The following NDUFB5 variants were observed in gnomAD, a reference collection of about 807,000 sequenced individuals.
NDUFB5 encodes the protein NADH dehydrogenase [ubiquinone] 1 beta subcomplex subunit 5, mitochondrial.
A neutral mutation model predicts 19.4 loss-of-function variants in NDUFB5; 19 were observed. The observed-to-expected ratio is 0.98, with a 90% confidence interval of 0.68 to 1.43. NDUFB5 has a LOEUF of 1.43. Ranked by LOEUF, NDUFB5 falls within the 40% of genes most tolerant of loss-of-function variation. NDUFB5 has a pLI of 0.00. For missense variants in NDUFB5, 233 were observed against 236.5 expected, an observed-to-expected ratio of 0.99 and a Z score of 0.10; for synonymous variants, 80 against 82.6, an observed-to-expected ratio of 0.97 and a Z score of 0.17.
intron 3 of NDUFB5, among the ~76,000 whole-genome samples, chr3:179,616,753 G>A (rs1719389119): frequency 1.3e-5 from 2 of 152,106 alleles, no homozygotes; most frequent in Admixed American, 6.5e-5. Context: ...GAAACTCATG[G>A]AATACCTATA....
At chr3:179,611,034 G>A (rs62291841) in intron 1 of NDUFB5, among the ~76,000 whole-genome samples, 73 of 152,162 alleles carry the variant, frequency 4.8e-4, no homozygotes, top group Non-Finnish European at 8.2e-4. Context: ...GTAGGTAGGC[G>A]TTGGGAGAAA....
At chr3:179,615,102 C>G in intron 2 of NDUFB5, 43 bp downstream of exon 2, 1 of 1,344,230 alleles carries the variant, frequency 7.4e-7, no homozygotes, top group Non-Finnish European at 1.0e-6. Context: ...TTGCATGTAA[C>G]AGGGAAAAAA....
At chr3:179,619,879 A>G (rs1258872932) in intron 5 of NDUFB5, among the ~76,000 whole-genome samples, 2 of 152,122 alleles carry the variant, frequency 1.3e-5, no homozygotes, top group Admixed American at 6.6e-5. Context: ...TGACTTTTTA[A>G]TGATCACCAT....
chr3:179,621,573 A>G (rs1207824415), intron 5 of NDUFB5, among the ~76,000 whole-genome samples: 1 of 149,338 alleles, frequency 6.7e-6, no homozygotes, highest in African/African-American at 2.5e-5. Flanking sequence ...GCACACTGCA[A>G]CCTCTGCTTT....
intron 1 of NDUFB5, chr3:179,607,664 C>G: frequency 2.9e-6 from 2 of 678,356 alleles, no homozygotes; most frequent in Non-Finnish European, 5.3e-6. Context: ...GCTATGCAAC[C>G]ATCACCATCA....
At chr3:179,619,722 G>A (rs1450830289) in intron 5 of NDUFB5, among the ~76,000 whole-genome samples, 4 of 152,162 alleles carry the variant, frequency 2.6e-5, no homozygotes, top group Non-Finnish European at 4.4e-5. Flanking sequence ...CCAGTAATGG[G>A]ATTGCTGGGT....
At chr3:179,611,931 T>C (rs1719252267) in intron 1 of NDUFB5, among the ~76,000 whole-genome samples, 1 of 152,018 alleles carries the variant, frequency 6.6e-6, no homozygotes, top group African/African-American at 2.4e-5. Flanking sequence ...AGGTTCAGGG[T>C]TCCAGAAATC....
chr3:179,612,531 A>C (rs1037165559), intron 1 of NDUFB5, among the ~76,000 whole-genome samples: 1 of 139,952 alleles, frequency 7.1e-6, no homozygotes, highest in Non-Finnish European at 1.5e-5. Flanking sequence ...GTTGGAGTGC[A>C]GTGGCGCGAT....
intron 2 of NDUFB5, chr3:179,615,719 C>A: frequency 1.8e-6 from 1 of 554,756 alleles, no homozygotes; most frequent in Non-Finnish European, 3.3e-6. Flanking sequence ...TGAGCCCTTA[C>A]TTTTCTTGTT....
chr3:179,608,474 T>A (rs1170984811), intron 1 of NDUFB5, among the ~76,000 whole-genome samples: 1 of 152,156 alleles, frequency 6.6e-6, no homozygotes, highest in African/African-American at 2.4e-5. Context: ...ATTATAGACA[T>A]GAGCCACCGC....
At chr3:179,614,595 T>G (rs1719328141) in intron 1 of NDUFB5, among the ~76,000 whole-genome samples, 1 of 152,186 alleles carries the variant, frequency 6.6e-6, no homozygotes, top group Non-Finnish European at 1.5e-5. Context: ...TGAAACAAAT[T>G]AAAATGATTA....
intron 5 of NDUFB5, among the ~76,000 whole-genome samples, 161 bp from the exon 6 acceptor site, chr3:179,623,759 G>C (rs1014315270): frequency 6.6e-6 from 1 of 152,158 alleles, no homozygotes; most frequent in Non-Finnish European, 1.5e-5. Flanking sequence ...CCAAATTTTG[G>C]TTATAGATAT....
intron 5 of NDUFB5, among the ~76,000 whole-genome samples, chr3:179,622,433 C>G (rs1252022291): frequency 6.6e-6 from 1 of 152,194 alleles, no homozygotes; most frequent in African/African-American, 2.4e-5. Flanking sequence ...AGACGTGCCA[C>G]TGCTCCCAGC....
At position 179,625,599 on chromosome 3, in the gene NDUFB5, T is replaced by C. The variant is rs1719650179; in HGVS notation, c.*1559T>C. ...TATATAAGTATATTATTATATGTTA[T>C]TGTTAACTATAATTTACCTACTGTA... On this transcript the variant is annotated 3_prime_UTR_variant, in exon 6 of 6. Coordinates refer to ENST00000259037, the MANE Select transcript of NDUFB5 (RefSeq NM_002492.4). 2 of 151,636 alleles carry C rather than the reference T, an allele frequency of 1.3e-5. No homozygotes were observed. The highest frequency in any genetic ancestry group is 6.6e-5 in the Admixed American group (1 of 15,248). The allele number at this position is 151,636 out of a possible 1,614,324, so 9.4% of individuals were successfully genotyped here.
At chr3:179,613,107 G>T (rs1035375009) in intron 1 of NDUFB5, among the ~76,000 whole-genome samples, 1 of 152,104 alleles carries the variant, frequency 6.6e-6, no homozygotes. Flanking sequence ...GGACCCCATG[G>T]CCACTCTTGT....
Position 179,624,145 on chromosome 3 carries a change from A to G in NDUFB5, c.*105A>G, listed in dbSNP as rs550567033. ...CGTGAAAAACAAAAGAGCCTCTGAC[A>G]TTACTGTCTCTCAGTGTTGGTTCAG... is the stretch of plus-strand genomic sequence containing the variant. On this transcript the variant is annotated 3_prime_UTR_variant, in exon 6 of 6. Coordinates refer to ENST00000259037, the MANE Select transcript of NDUFB5 (RefSeq NM_002492.4). 40 of 1,052,184 alleles carry G rather than the reference A, an allele frequency of 3.8e-5. No homozygotes were observed. In the East Asian group the frequency reaches 1.0e-3, roughly 26 times the overall value. The allele number at this position is 1,052,184 out of a possible 1,614,324, so 65.2% of individuals were successfully genotyped here. A position where few individuals can be genotyped will look rare whatever the true frequency, so the allele number is the denominator to read the frequency against.
chr3:179,607,052 G>A (rs1471247711), intron 1 of NDUFB5, among the ~76,000 whole-genome samples: 1 of 152,168 alleles, frequency 6.6e-6, no homozygotes, highest in Non-Finnish European at 1.5e-5. Context: ...ATCAAATCCA[G>A]CTGGAGATAA....
At chr3:179,622,598 G>A (rs555806568) in intron 5 of NDUFB5, among the ~76,000 whole-genome samples, 11 of 152,112 alleles carry the variant, frequency 7.2e-5, no homozygotes, top group Non-Finnish European at 1.0e-4. Flanking sequence ...CCATTATGTG[G>A]ATGAATCATA....
chr3:179,613,480 A>G (rs914591546), intron 1 of NDUFB5, among the ~76,000 whole-genome samples: 1 of 152,180 alleles, frequency 6.6e-6, no homozygotes, highest in Admixed American at 6.5e-5. Flanking sequence ...TAGACCGTAT[A>G]TAGTTCTAGC....
Sources: gnomAD v4.1 joint callset for allele counts (sites outside exome capture counted in the v4.1 genomes callset) on GRCh38, gnomAD v4.1.1 for gene constraint, MANE v1.5 for transcripts, NCBI Gene and HGNC (gene_info 2026-07-23, HGNC 2026-07-21) for gene names.